The following LHFPL3 variants were observed in gnomAD, a reference collection of about 807,000 sequenced individuals.
LHFPL3 encodes the protein LHFPL tetraspan subfamily member 3.
A neutral mutation model predicts 19.3 loss-of-function variants in LHFPL3; 5 were observed. That is an observed-to-expected ratio of 0.26 (90% CI 0.14 to 0.54). The LOEUF (loss-of-function observed/expected upper bound fraction) is 0.54. Ranked by LOEUF, LHFPL3 falls within the 20% of genes least tolerant of loss-of-function variation. The pLI, the probability that LHFPL3 is intolerant of heterozygous loss-of-function variation, is 0.94. For missense variants in LHFPL3, 249 were observed against 307.4 expected (o/e 0.81, Z 1.42); for synonymous variants, 133 against 126.2 (o/e 1.05, Z -0.36).
intron 1 of LHFPL3, among the ~76,000 whole-genome samples, chr7:104,632,246 G>A (rs934238161): frequency 6.6e-5 from 10 of 152,204 alleles, no homozygotes; most frequent in African/African-American, 1.4e-4. Context: ...GTATATTTAC[G>A]TAGCAACAAG....
At chr7:104,332,473 C>T (rs544435106) in intron 1 of LHFPL3, among the ~76,000 whole-genome samples, 5 of 151,906 alleles carry the variant, frequency 3.3e-5, no homozygotes, top group South Asian at 2.1e-4. Context: ...TCAAGCAATC[C>T]GACTGCCATG....
intron 1 of LHFPL3, among the ~76,000 whole-genome samples, chr7:104,565,710 C>A (rs1289086217): frequency 1.5e-5 from 2 of 135,732 alleles, no homozygotes; most frequent in Non-Finnish European, 3.1e-5. Flanking sequence ...CCTGCACCTT[C>A]CTGTCTGTCT....
chr7:104,669,842 A>C (rs566107861), intron 1 of LHFPL3, among the ~76,000 whole-genome samples: 7 of 152,358 alleles, frequency 4.6e-5, no homozygotes, highest in African/African-American at 1.4e-4. Flanking sequence ...GTCACCATGC[A>C]GTTGCCAGTG....
intron 1 of LHFPL3, among the ~76,000 whole-genome samples, chr7:104,472,040 T>G (rs919841273): frequency 1.3e-5 from 2 of 151,702 alleles, no homozygotes; most frequent in African/African-American, 4.8e-5. Flanking sequence ...TAGCCGAGGG[T>G]GGGGCGTGTA....
chr7:104,373,771 A>G (rs1017107478), intron 1 of LHFPL3, among the ~76,000 whole-genome samples: 1 of 152,158 alleles, frequency 6.6e-6, no homozygotes. Context: ...TCAGATCTTT[A>G]AAAGAAGCTA....
chr7:104,814,897 G>GCA (rs1045492822), intron 2 of LHFPL3, among the ~76,000 whole-genome samples: 3 of 152,308 alleles, frequency 2.0e-5, no homozygotes, highest in Admixed American at 2.0e-4. Flanking sequence ...GCGGGAGCAG[G>GCA]CACTTTCAAG....
chr7:104,779,201 C>T (rs1285836253), intron 2 of LHFPL3, among the ~76,000 whole-genome samples: 1 of 152,140 alleles, frequency 6.6e-6, no homozygotes, highest in African/African-American at 2.4e-5. Flanking sequence ...TAATAGTACT[C>T]ACCTCATAGG....
At chr7:104,897,488 A>T (rs566712925) in intron 2 of LHFPL3, among the ~76,000 whole-genome samples, 3 of 152,340 alleles carry the variant, frequency 2.0e-5, no homozygotes, top group African/African-American at 7.2e-5. Context: ...GTAAAACTTC[A>T]TGATCCTGAA....
intron 1 of LHFPL3, among the ~76,000 whole-genome samples, chr7:104,416,757 A>T (rs1254335448): frequency 6.6e-6 from 1 of 152,264 alleles, no homozygotes; most frequent in Non-Finnish European, 1.5e-5. Flanking sequence ...TTGTGCTGCT[A>T]CAACAGGAAG....
At chr7:104,465,556 G>T (rs34087310) in intron 1 of LHFPL3, among the ~76,000 whole-genome samples, 32,163 of 152,162 alleles carry the variant, frequency 0.21, 3,653 homozygotes, top group African/African-American at 0.3. Context: ...CTCAGGAAAC[G>T]TAGCAGAAAG....
intron 1 of LHFPL3, among the ~76,000 whole-genome samples, chr7:104,475,591 T>C (rs1792994063): frequency 6.6e-6 from 1 of 152,230 alleles, no homozygotes; most frequent in Non-Finnish European, 1.5e-5. Context: ...GTCGATTTTT[T>C]AATCACAATT....
chr7:104,679,225 G>C (rs879872741), intron 1 of LHFPL3, among the ~76,000 whole-genome samples: 1 of 152,218 alleles, frequency 6.6e-6, no homozygotes, highest in Non-Finnish European at 1.5e-5. Context: ...GCTCCTTACT[G>C]GTTGTTGACA....
chr7:104,610,193 C>T (rs1791185968), intron 1 of LHFPL3, among the ~76,000 whole-genome samples: 1 of 151,954 alleles, frequency 6.6e-6, no homozygotes, highest in Non-Finnish European at 1.5e-5. Context: ...ATTAAAAATC[C>T]TTTCTGTATA....
chr7:104,672,743 C>T (rs755816982), intron 1 of LHFPL3, among the ~76,000 whole-genome samples: 2 of 152,198 alleles, frequency 1.3e-5, no homozygotes, highest in Non-Finnish European at 2.9e-5. Context: ...CTCAGGAGTT[C>T]ACCTTCCCAG....
At chr7:104,708,197 A>T (rs1382224455) in intron 1 of LHFPL3, among the ~76,000 whole-genome samples, 1 of 152,244 alleles carries the variant, frequency 6.6e-6, no homozygotes, top group Non-Finnish European at 1.5e-5. Flanking sequence ...TTGGGTTTCT[A>T]GGCAGCATTC....
chr7:104,745,303 A>G (rs1794019532), intron 2 of LHFPL3, among the ~76,000 whole-genome samples: 1 of 152,224 alleles, frequency 6.6e-6, no homozygotes, highest in African/African-American at 2.4e-5. Context: ...AACTGCAGCC[A>G]CCATCCAATG....
At chr7:104,411,051 G>T (rs1156986277) in intron 1 of LHFPL3, among the ~76,000 whole-genome samples, 1 of 152,152 alleles carries the variant, frequency 6.6e-6, no homozygotes, top group Non-Finnish European at 1.5e-5. Context: ...CATTAACTAT[G>T]CCCTCGTGAA....
At chr7:104,496,026 T>A (rs568595031) in intron 1 of LHFPL3, among the ~76,000 whole-genome samples, 36 of 152,304 alleles carry the variant, frequency 2.4e-4, no homozygotes, top group South Asian at 6.2e-4. Context: ...CGTGCAGGTT[T>A]GTTACATATG....
intron 1 of LHFPL3, among the ~76,000 whole-genome samples, chr7:104,454,903 G>A (rs1003169955): frequency 6.6e-6 from 1 of 152,126 alleles, no homozygotes; most frequent in African/African-American, 2.4e-5. Context: ...ATTTAGAAAT[G>A]CTGTTCTTTG....
Sources: allele counts gnomAD v4.1 joint callset (sites outside exome capture counted in the v4.1 genomes callset), GRCh38; gene constraint gnomAD v4.1.1; transcripts MANE v1.5; gene names NCBI Gene and HGNC (gene_info 2026-07-23, HGNC 2026-07-21).